The following KCNIP4 variants were observed in gnomAD, a reference collection of about 807,000 sequenced individuals.
KCNIP4 encodes the protein potassium voltage-gated channel interacting protein 4.
In KCNIP4, 12 loss-of-function variants were observed where a neutral mutation model predicts 34.0. The observed-to-expected ratio is 0.35, with a 90% CI of 0.23 to 0.57. KCNIP4 has a LOEUF of 0.57. Among genes scored for constraint, KCNIP4 ranks in the 20% least tolerant of loss-of-function variants. The pLI, the probability that KCNIP4 is intolerant of heterozygous loss-of-function variation, is 0.83. For synonymous variants in KCNIP4, 124 were observed against 102.2 expected (o/e 1.21, Z -1.29); for missense variants, 238 against 311.7 (o/e 0.76, Z 1.78).
At chr4:21,940,609 TG>T (rs1730150691) in intron 1 of KCNIP4, among the ~76,000 whole-genome samples, 2 of 152,186 alleles carry the variant, frequency 1.3e-5, no homozygotes, top group Non-Finnish European at 2.9e-5. Flanking sequence ...TTTGCTGAAT[TG>T]ATCTCATTTC....
chr4:21,262,467 T>C (rs556433431), intron 1 of KCNIP4, among the ~76,000 whole-genome samples: 97 of 152,298 alleles, frequency 6.4e-4, no homozygotes, highest in Non-Finnish European at 1.1e-3. Flanking sequence ...CCTTAGCCAA[T>C]GACTGATGGA....
rs527404925 is a variant in KCNIP4, at chr4:21,695,622, T to TC, written c.61+252948dup. On this transcript the variant is annotated intron_variant, in intron 1 of 8. Coordinates refer to ENST00000382152, the MANE Select transcript of KCNIP4 (RefSeq NM_025221.6). ...GATTTAATACTTATGGTTTACAGTT[T>TC]CCCAACCACTTACCATTTTCGTAAA... Among the ~76,000 whole-genome samples, 3 of 152,260 alleles carry TC rather than the reference T, an allele frequency of 2.0e-5. No individual in the cohort carries two copies. In the South Asian group the frequency reaches 6.2e-4, roughly 32 times the overall value.
At chr4:21,927,955 C>T (rs940792626) in intron 1 of KCNIP4, among the ~76,000 whole-genome samples, 3 of 151,998 alleles carry the variant, frequency 2.0e-5, no homozygotes, top group Non-Finnish European at 2.9e-5. Flanking sequence ...GGCCTGACAC[C>T]TACAAGAGCA....
intron 3 of KCNIP4, among the ~76,000 whole-genome samples, chr4:20,780,135 G>A (rs1756743762): frequency 6.6e-6 from 1 of 152,132 alleles, no homozygotes. Flanking sequence ...GACTAAGAAG[G>A]GCTGGTGATC....
At chr4:21,826,403 A>C (rs1277576134) in intron 1 of KCNIP4, among the ~76,000 whole-genome samples, 1 of 152,192 alleles carries the variant, frequency 6.6e-6, no homozygotes, top group Admixed American at 6.6e-5. Flanking sequence ...TTCACTTCTA[A>C]AACCCTTTAA....
intron 1 of KCNIP4, among the ~76,000 whole-genome samples, chr4:21,372,390 A>ATAGT (rs1186488366): frequency 4.1e-5 from 6 of 146,910 alleles, no homozygotes; most frequent in African/African-American, 8.2e-5. Context: ...AGATAGATAG[A>ATAGT]TAGTTAGATA....
intron 1 of KCNIP4, among the ~76,000 whole-genome samples, chr4:21,871,507 CT>C (rs1454422934): frequency 1.3e-5 from 2 of 151,716 alleles, no homozygotes; most frequent in African/African-American, 2.4e-5. Flanking sequence ...ATGGATGAAG[CT>C]GGAAACCATC....
chr4:21,814,589 T>C (rs28697053), intron 1 of KCNIP4, among the ~76,000 whole-genome samples: 57,313 of 151,962 alleles, frequency 0.38, 11,906 homozygotes, highest in East Asian at 0.65. Context: ...CAGTCTCAGG[T>C]ACATCTTTAT....
intron 1 of KCNIP4, among the ~76,000 whole-genome samples, chr4:21,444,851 T>C (rs188471680): frequency 2.6e-5 from 4 of 152,190 alleles, no homozygotes; most frequent in African/African-American, 9.7e-5. Context: ...TGTTTGCAGA[T>C]GACATGATTG....
At chr4:21,556,931 A>AAAAAAAAAAAAAACC (rs1560514270) in intron 1 of KCNIP4, among the ~76,000 whole-genome samples, 1 of 134,190 alleles carries the variant, frequency 7.5e-6, no homozygotes. Flanking sequence ...AGAAAAAAAA[A>AAAAAAAAAAAAAACC]AAAAAAAAAA....
intron 1 of KCNIP4, among the ~76,000 whole-genome samples, chr4:21,071,967 T>C (rs970603556): frequency 6.7e-6 from 1 of 148,856 alleles, no homozygotes; most frequent in Admixed American, 6.7e-5. Flanking sequence ...ACAAAGGACA[T>C]GAACTCATCC....
intron 1 of KCNIP4, among the ~76,000 whole-genome samples, chr4:21,144,393 A>G (rs1752199933): frequency 6.6e-6 from 1 of 152,222 alleles, no homozygotes; most frequent in Non-Finnish European, 1.5e-5. Context: ...TCTAAAATTT[A>G]CAGGGCAAGG....
At chr4:21,821,145 T>A (rs554644001) in intron 1 of KCNIP4, among the ~76,000 whole-genome samples, 12 of 152,242 alleles carry the variant, frequency 7.9e-5, no homozygotes, top group African/African-American at 2.9e-4. Context: ...AATTTCTACA[T>A]AATATATATA....
intron 1 of KCNIP4, among the ~76,000 whole-genome samples, chr4:21,775,215 C>T (rs915109377): frequency 6.6e-6 from 1 of 152,110 alleles, no homozygotes; most frequent in African/African-American, 2.4e-5. Context: ...AGTCAGGTCC[C>T]TCTTCCGTAG....
At chr4:21,319,414 T>G (rs1342170789) in intron 1 of KCNIP4, among the ~76,000 whole-genome samples, 1 of 152,240 alleles carries the variant, frequency 6.6e-6, no homozygotes, top group African/African-American at 2.4e-5. Flanking sequence ...CCCTTATGTC[T>G]AAATCCATAG....
chr4:21,475,920 G>C (rs1014981531), intron 1 of KCNIP4, among the ~76,000 whole-genome samples: 1 of 152,104 alleles, frequency 6.6e-6, no homozygotes, highest in Non-Finnish European at 1.5e-5. Context: ...CTATCATGAA[G>C]AGCACCTTTT....
At chr4:20,988,474 G>T (rs1402470955) in intron 1 of KCNIP4, among the ~76,000 whole-genome samples, 2 of 151,890 alleles carry the variant, frequency 1.3e-5, no homozygotes, top group South Asian at 2.1e-4. Context: ...ATTTTTCCTT[G>T]TTTTTTATAG....
intron 1 of KCNIP4, among the ~76,000 whole-genome samples, chr4:20,989,109 C>T (rs1736852626): frequency 6.6e-6 from 1 of 152,272 alleles, no homozygotes; most frequent in South Asian, 2.1e-4. Flanking sequence ...TCTAAGCACC[C>T]CTTTGAGTTA....
intron 1 of KCNIP4, among the ~76,000 whole-genome samples, chr4:21,765,377 C>A (rs1308331265): frequency 6.6e-6 from 1 of 151,884 alleles, no homozygotes; most frequent in Non-Finnish European, 1.5e-5. Flanking sequence ...CAGGAGAAGG[C>A]AATGGTAAAT....
Sources: gnomAD v4.1 joint callset for allele counts (sites outside exome capture counted in the v4.1 genomes callset) on GRCh38, gnomAD v4.1.1 for gene constraint, MANE v1.5 for transcripts, NCBI Gene and HGNC (gene_info 2026-07-23, HGNC 2026-07-21) for gene names.